Variants in MYOZ3 observed in about 807,000 individuals in gnomAD.
The protein encoded by MYOZ3 is myozenin-3.
MYOZ3 carries 19 observed loss-of-function variants against 26.5 expected under a neutral mutation model. That is an observed-to-expected ratio of 0.72 (90% CI 0.50 to 1.05). The LOEUF (loss-of-function observed/expected upper bound fraction) is 1.05. MYOZ3 is among the 50% of genes least tolerant of loss of function. The probability of loss-of-function intolerance (pLI) is 0.00; values close to 1 mark genes in which losing one functional copy is unlikely to be tolerated. For synonymous variants in MYOZ3, 135 were observed against 138.8 expected, an observed-to-expected ratio of 0.97 and a Z score of 0.19; for missense variants, 322 against 337.1, an observed-to-expected ratio of 0.96 and a Z score of 0.35.
intron 5 of MYOZ3, 74 bp from the exon 6 acceptor site, chr5:150,672,266 T>TG: frequency 6.5e-7 from 1 of 1,535,260 alleles, no homozygotes; most frequent in Non-Finnish European, 8.8e-7. Flanking sequence ...GTCCGCGGAA[T>TG]GGGGGTGGGG....
At chr5:150,661,819 C>G (rs1758736699) in intron 1 of MYOZ3, among the ~76,000 whole-genome samples, 1 of 151,534 alleles carries the variant, frequency 6.6e-6, no homozygotes. Flanking sequence ...TCGAGGCATT[C>G]TCAATCATCC....
chr5:150,669,505 T>C (rs76647414), intron 2 of MYOZ3, among the ~76,000 whole-genome samples: 4,437 of 152,160 alleles, frequency 0.029, 79 homozygotes, highest in Middle Eastern at 0.058. Flanking sequence ...AATATAGTCA[T>C]TGAAAAAGAT....
At chr5:150,671,572 G>T (rs745546490) in intron 3 of MYOZ3, 25 bp from the exon 4 acceptor site, 1 of 1,613,826 alleles carries the variant, frequency 6.2e-7, no homozygotes, top group Non-Finnish European at 8.5e-7. Context: ...CTTCTCTGCG[G>T]TTTATTCTAC....
intron 2 of MYOZ3, among the ~76,000 whole-genome samples, chr5:150,669,355 G>A (rs1341911776): frequency 1.3e-5 from 2 of 151,894 alleles, no homozygotes; most frequent in Admixed American, 6.6e-5. Context: ...CCTAAGGCAG[G>A]AGAATTGCTT....
In MYOZ3 at chr5:150,671,653, G is replaced by A; in HGVS notation, c.270+3G>A. ...CTGGAACAGCGGAGTCGGGGACGGT[G>A]AGCGTGGAGGGGAGCTCCCTGGAAG... On this transcript the variant is annotated splice_donor_region_variant and intron_variant, in intron 4 of 6. Coordinates refer to ENST00000517768, the MANE Select transcript of MYOZ3 (RefSeq NM_001122853.3). The A allele has an allele frequency of 2.5e-6, 4 of 1,613,904 alleles. No homozygotes were observed. Among genetic ancestry groups the A allele is most frequent in the Admixed American group, 3.3e-5 (2 of 60,028 alleles).
At position 150,671,864 on chromosome 5, in the gene MYOZ3, C is replaced by T; in HGVS notation, c.380C>T (p.Ala127Val). 1.9e-6 allele frequency: 3 copies of T among 1,596,422 alleles called. No individual in the cohort carries two copies. The highest frequency in any genetic ancestry group is 1.1e-5 in the South Asian group (1 of 89,536). ...GGTCCCGAGGGCGCCCACCCTGCAG[C>T]CGCCCCTGCTGGGTGCGTCCCCAGC... is the stretch of plus-strand genomic sequence containing the variant. The part of the protein sequence containing the change: ...LGGPEGAHPA[A>V]APAGCVPSPS... Residue 127 changes from alanine (A) to valine (V), a missense_variant, in exon 5 of 7, where the codon GCC (alanine) becomes GTC (valine). Coordinates refer to ENST00000517768, the MANE Select transcript of MYOZ3 (RefSeq NM_001122853.3).
At chr5:150,665,333 A>G (rs1242299290) in intron 2 of MYOZ3, among the ~76,000 whole-genome samples, 2 of 152,200 alleles carry the variant, frequency 1.3e-5, no homozygotes, top group Non-Finnish European at 2.9e-5. Context: ...ATTGCTCCAC[A>G]GAATTCATCC....
intron 4 of MYOZ3, 40 bp downstream of exon 4, chr5:150,671,690 G>C (rs1428282012): frequency 6.2e-7 from 1 of 1,613,610 alleles, no homozygotes; most frequent in Non-Finnish European, 8.5e-7. Flanking sequence ...GAAGCTGGGG[G>C]AAGGGGAGCG....
At chr5:150,672,640 C>G (rs1012413705) in intron 6 of MYOZ3, 138 bp downstream of exon 6, 5 of 1,079,214 alleles carry the variant, frequency 4.6e-6, no homozygotes, top group Non-Finnish European at 5.2e-6. Flanking sequence ...ATTGACTGAG[C>G]TCTGGCTGGA....
intron 2 of MYOZ3, among the ~76,000 whole-genome samples, chr5:150,669,561 G>A (rs1758867359): frequency 1.4e-5 from 2 of 147,434 alleles, no homozygotes; most frequent in Admixed American, 1.3e-4. Context: ...GTCTCTGGGT[G>A]ATAGATAATG....
intron 6 of MYOZ3, among the ~76,000 whole-genome samples, chr5:150,675,652 C>T (rs1400868271): frequency 3.9e-5 from 6 of 152,188 alleles, no homozygotes; most frequent in African/African-American, 2.4e-5. Context: ...GGATTATAGC[C>T]GTGAGCCACC....
chr5:150,666,056 C>T, intron 2 of MYOZ3, among the ~76,000 whole-genome samples: 1 of 134,646 alleles, frequency 7.4e-6, no homozygotes, highest in East Asian at 2.1e-4. Flanking sequence ...AAAAAAAGAA[C>T]AATATTGAGC....
Position 150,672,517 on chromosome 5 carries a change from G to A in MYOZ3, c.587+15G>A. On this transcript the variant is annotated intron_variant, in intron 6 of 6. Transcript: ENST00000517768. ...AATTTCAACAAGTAAGGCGGGGCGG[G>A]CAGCCCGGGGGACAGACCGGGAGGG... 1.3e-6 allele frequency: 2 copies of A among 1,550,676 alleles called. No individual in the cohort carries two copies. The highest frequency in any genetic ancestry group is 8.7e-7 in the Non-Finnish European group (1 of 1,148,406).
At chr5:150,674,104 T>C (rs1206089555) in intron 6 of MYOZ3, among the ~76,000 whole-genome samples, 2 of 152,206 alleles carry the variant, frequency 1.3e-5, no homozygotes, top group African/African-American at 4.8e-5. Flanking sequence ...AGAGACTTCC[T>C]GATGGGAAGA....
chr5:150,678,674 CTG>C lies in MYOZ3; in HGVS notation c.*1801_*1802del, dbSNP rs1759056049. 1 of 152,302 alleles carries C rather than the reference CTG, an allele frequency of 6.6e-6. No homozygotes were observed. The highest frequency in any genetic ancestry group is 6.5e-5 in the Admixed American group (1 of 15,282). The allele number at this position is 152,302 out of a possible 1,614,324, so 9.4% of individuals were successfully genotyped here. ...CAAGTCATTTCACATCTCCGAGCCT[CTG>C]TTTCTCCAAGTGTAAGATGAGGACA... On this transcript the variant is annotated 3_prime_UTR_variant, in exon 7 of 7. Coordinates refer to ENST00000517768, the MANE Select transcript of MYOZ3 (RefSeq NM_001122853.3).
chr5:150,668,448 G>C (rs1476709356), intron 2 of MYOZ3, among the ~76,000 whole-genome samples: 2 of 152,068 alleles, frequency 1.3e-5, no homozygotes, highest in Non-Finnish European at 2.9e-5. Flanking sequence ...CTATGTTGTG[G>C]GCTGCTCCTG....
chr5:150,676,663 C>T (rs1199114087), intron 6 of MYOZ3, 44 bp from the exon 7 acceptor site: 1 of 1,593,622 alleles, frequency 6.3e-7, no homozygotes, highest in Admixed American at 1.7e-5. Context: ...TACTGCTGTC[C>T]CTGTTCCACA....
At chr5:150,674,506 T>A (rs1411728108) in intron 6 of MYOZ3, among the ~76,000 whole-genome samples, 1 of 152,232 alleles carries the variant, frequency 6.6e-6, no homozygotes, top group African/African-American at 2.4e-5. Context: ...GGGCCTTGCA[T>A]GGCTTGGACA....
chr5:150,671,116 T>C (rs1758900113), intron 3 of MYOZ3, among the ~76,000 whole-genome samples: 1 of 152,184 alleles, frequency 6.6e-6, no homozygotes, highest in Non-Finnish European at 1.5e-5. Flanking sequence ...CAGTTCCAGA[T>C]ACTTCTAAGG....
Sources: gnomAD v4.1 joint callset for allele counts (sites outside exome capture counted in the v4.1 genomes callset) on GRCh38, gnomAD v4.1.1 for gene constraint, MANE v1.5 for transcripts, NCBI Gene and HGNC (gene_info 2026-07-23, HGNC 2026-07-21) for gene names.